JAM2: variants seen among roughly 807,000 people sequenced by gnomAD.
JAM2 encodes junctional adhesion molecule 2, also known as junctional adhesion molecule B.
JAM2 carries 17 observed loss-of-function variants against 42.0 expected under a neutral mutation model. The observed-to-expected ratio is 0.40, with a 90% CI of 0.28 to 0.61. The LOEUF (loss-of-function observed/expected upper bound fraction) is 0.61, where lower values mean the gene tolerates loss of function less well. Ranked by LOEUF, JAM2 falls within the 20% of genes least tolerant of loss-of-function variation. The pLI, the probability that JAM2 is intolerant of heterozygous loss-of-function variation, is 0.37. For missense variants in JAM2, 319 were observed against 358.3 expected, an observed-to-expected ratio of 0.89 and a Z score of 0.89; for synonymous variants, 118 against 128.6, an observed-to-expected ratio of 0.92 and a Z score of 0.56.
chr21:25,639,967 T>C, intron 1 of JAM2, 79 bp downstream of exon 1: 1 of 1,050,984 alleles, frequency 9.5e-7, no homozygotes, highest in Non-Finnish European at 1.4e-6. Flanking sequence ...GGGCGCTGGC[T>C]GACAGTGTCT....
intron 1 of JAM2, among the ~76,000 whole-genome samples, chr21:25,649,035 A>C (rs2032695015): frequency 6.6e-6 from 1 of 152,234 alleles, no homozygotes; most frequent in African/African-American, 2.4e-5. Flanking sequence ...GATATAAGGA[A>C]ATATAAAGAC....
At chr21:25,640,935 C>T (rs1452389840) in intron 1 of JAM2, among the ~76,000 whole-genome samples, 1 of 152,026 alleles carries the variant, frequency 6.6e-6, no homozygotes, top group Admixed American at 6.6e-5. Context: ...TGTCTAATAC[C>T]ACAATACAAT....
rs926840679 is a variant in JAM2 at position 25,693,866 on chromosome 21, G to A, written c.352G>A (p.Gly118Ser). Residue 118 changes from glycine to serine, a missense_variant, in exon 4 of 10, where the codon GGC becomes AGC. Physicochemically the swap from Gly to Ser is moderately conservative, Grantham distance 56. Transcript: ENST00000480456. ...RCEVSAPSEQGQNLEEDTVTL... is the reference protein window; with the variant it reads ...RCEVSAPSEQSQNLEEDTVTL... ...TGAAGTTAGTGCCCCATCTGAGCAA[G>A]GCCAAAACCTGGAAGAGGATACAGT... 1 of 1,614,066 alleles carries A rather than the reference G, an allele frequency of 6.2e-7. No individual in the cohort carries two copies. Among genetic ancestry groups the A allele is most frequent in the African/African-American group, 1.3e-5 (1 of 74,932 alleles).
chr21:25,639,878 C>T lies in JAM2; in HGVS notation c.57C>T (p.Val19=). 6.3e-7 allele frequency: 1 copy of T among 1,591,418 alleles called. No individual in the cohort carries two copies. Among genetic ancestry groups the T allele is most frequent in the African/African-American group, 1.3e-5 (1 of 74,582 alleles). ...LLLLLLRYLV[V]ALGYHKAYGF... is the part of the protein sequence containing the mutation. ...TGCTGCTGCTGCGCTACCTGGTGGT[C>T]GCCCTGGGCTGTAAGTTGCTCGGGT... is the stretch of plus-strand genomic sequence containing the variant. The change falls in exon 1 of 10, where the codon GTC becomes GTT. Residue 19 remains valine, a synonymous_variant. Coordinates refer to ENST00000480456, the MANE Select transcript of JAM2 (RefSeq NM_021219.4).
At chr21:25,655,814 A>C (rs2032923507) in intron 1 of JAM2, among the ~76,000 whole-genome samples, 1 of 151,618 alleles carries the variant, frequency 6.6e-6, no homozygotes, top group Non-Finnish European at 1.5e-5. Flanking sequence ...AGCTCTCTTA[A>C]ATCCTGTGCC....
intron 3 of JAM2, among the ~76,000 whole-genome samples, chr21:25,690,796 G>C (rs557856567): frequency 6.6e-6 from 1 of 151,774 alleles, no homozygotes. Context: ...AAGACTTATG[G>C]GTGGGTTATG....
chr21:25,662,608 C>T (rs763712796), intron 1 of JAM2, among the ~76,000 whole-genome samples: 2 of 151,810 alleles, frequency 1.3e-5, no homozygotes, highest in Admixed American at 6.6e-5. Flanking sequence ...TGTGAGCCAC[C>T]GCACCTGGCT....
intron 1 of JAM2, among the ~76,000 whole-genome samples, chr21:25,642,148 C>T (rs946701383): frequency 4.6e-5 from 7 of 151,878 alleles, no homozygotes; most frequent in Non-Finnish European, 8.8e-5. Flanking sequence ...ATTACCTACC[C>T]TTTTTTCTTC....
At chr21:25,673,454 T>G (rs1387406643) in intron 1 of JAM2, among the ~76,000 whole-genome samples, 1 of 152,246 alleles carries the variant, frequency 6.6e-6, no homozygotes, top group African/African-American at 2.4e-5. Flanking sequence ...ATAAAACTTT[T>G]GTGCATAAAT....
In JAM2 at chr21:25,717,067, G is replaced by A. The variant is rs2034492822; in HGVS notation, c.*2395G>A. 2 of 152,222 alleles carry A rather than the reference G, an allele frequency of 1.3e-5. No individual in the cohort carries two copies. Among genetic ancestry groups the A allele is most frequent in the Non-Finnish European group, 1.5e-5 (1 of 68,052 alleles). 9.4% of individuals were successfully genotyped at this position (152,222 alleles called of 1,614,324 possible). A position where few individuals can be genotyped will look rare whatever the true frequency, so the allele number is the denominator to read the frequency against. On this transcript the variant is annotated 3_prime_UTR_variant, in exon 10 of 10. Transcript: ENST00000480456. ...GGCTAGAGGATTCATTTTATGCAGT[G>A]CGAACATCTAATAACACTCTCTGTG...
chr21:25,654,669 A>T (rs989716702), intron 1 of JAM2, among the ~76,000 whole-genome samples: 1 of 148,778 alleles, frequency 6.7e-6, no homozygotes, highest in African/African-American at 2.6e-5. Context: ...AAAAAAAAAA[A>T]TTGGAAGCAC....
At chr21:25,680,021 T>A (rs538330481) in intron 1 of JAM2, among the ~76,000 whole-genome samples, 1 of 152,332 alleles carries the variant, frequency 6.6e-6, no homozygotes, top group Non-Finnish European at 1.5e-5. Context: ...AATGGTACCC[T>A]GCCACAGAGA....
chr21:25,643,170 T>C (rs1568883955), intron 1 of JAM2, among the ~76,000 whole-genome samples: 2 of 152,222 alleles, frequency 1.3e-5, no homozygotes, highest in Admixed American at 6.5e-5. Flanking sequence ...AAGAAGTGTA[T>C]AGATTGAACT....
intron 1 of JAM2, among the ~76,000 whole-genome samples, chr21:25,658,303 T>C (rs908150326): frequency 1.3e-5 from 2 of 152,134 alleles, no homozygotes; most frequent in Admixed American, 1.3e-4. Context: ...TCATGGTATT[T>C]AATTGAGAAG....
intron 1 of JAM2, among the ~76,000 whole-genome samples, chr21:25,665,993 T>C (rs2033208954): frequency 1.3e-5 from 2 of 152,098 alleles, no homozygotes; most frequent in South Asian, 4.2e-4. Context: ...TTTGCTGAGA[T>C]TGCGCCATTG....
At chr21:25,708,650 A>C (rs533929953) in intron 7 of JAM2, among the ~76,000 whole-genome samples, 1 of 152,330 alleles carries the variant, frequency 6.6e-6, no homozygotes, top group South Asian at 2.1e-4. Flanking sequence ...AACTTTATGA[A>C]TTGAATCCAG....
At chr21:25,695,504 C>G (rs963188407) in intron 4 of JAM2, among the ~76,000 whole-genome samples, 4 of 152,156 alleles carry the variant, frequency 2.6e-5, no homozygotes, top group Non-Finnish European at 4.4e-5. Context: ...ACCTCCCAGA[C>G]GGGGCGGCCG....
rs372328989 is a variant in JAM2, at chr21:25,639,901, G to A, written c.67+13G>A. 8 of 1,574,658 alleles carry A rather than the reference G, an allele frequency of 5.1e-6. No homozygotes were observed. The highest frequency in any genetic ancestry group is 6.0e-6 in the Non-Finnish European group (7 of 1,158,032). ...GTCGCCCTGGGCTGTAAGTTGCTCG[G>A]GTTCCTCTACCCTTCCTGCCTGGAC... On this transcript the variant is annotated intron_variant, in intron 1 of 9. Coordinates refer to ENST00000480456, the MANE Select transcript of JAM2 (RefSeq NM_021219.4).
At position 25,709,422 on chromosome 21, in the gene JAM2, T is replaced by C; in HGVS notation, c.806-12T>C. ...ACCCTTGCATTAATGATATATACTT[T>C]TTCTTTTGTAGAAGAAACCTCCTTC... On this transcript the variant is annotated splice_polypyrimidine_tract_variant and intron_variant, in intron 7 of 9. Coordinates refer to ENST00000480456, the MANE Select transcript of JAM2 (RefSeq NM_021219.4). 7.2e-7 allele frequency: 1 copy of C among 1,384,528 alleles called. No homozygotes were observed. The highest frequency in any genetic ancestry group is 1.0e-6 in the Non-Finnish European group (1 of 988,068). 85.8% of individuals were successfully genotyped at this position (1,384,528 alleles called of 1,614,324 possible). A position where few individuals can be genotyped will look rare whatever the true frequency, so the allele number is the denominator to read the frequency against.
Sources: allele counts gnomAD v4.1 joint callset (sites outside exome capture counted in the v4.1 genomes callset), GRCh38; gene constraint gnomAD v4.1.1; transcripts MANE v1.5; gene names NCBI Gene and HGNC (gene_info 2026-07-23, HGNC 2026-07-21).